Variants in LIPT2 observed in about 807,000 individuals in gnomAD.
The protein encoded by LIPT2 is lipoyl(octanoyl) transferase 2, also known as octanoyl-[acyl-carrier-protein]:protein N-octanoyltransferase LIPT2, mitochondrial.
A neutral mutation model predicts 16.2 loss-of-function variants in LIPT2; 16 were observed. The ratio of observed to expected loss-of-function variants is 0.99; its 90% CI spans 0.67 to 1.50. LIPT2 has a LOEUF of 1.50. LIPT2 is among the 40% of genes most tolerant of loss of function. The pLI, the probability that LIPT2 is intolerant of heterozygous loss-of-function variation, is 0.00. For synonymous variants in LIPT2, 199 were observed against 169.3 expected (o/e 1.18, Z -1.36); for missense variants, 424 against 347.7 (o/e 1.22, Z -1.75).
Position 74,493,631 on chromosome 11 carries a change from G to T in LIPT2, c.73C>A (p.Arg25Ser), listed in dbSNP as rs1211954083. The change falls in exon 1 of 2, where the codon CGC becomes AGC. Residue 25 changes from arginine (R) to serine (S), a missense_variant. Arg to Ser is a moderately radical substitution (Grantham distance 110, BLOSUM62 -1). Transcript: ENST00000310109. ...PYAELLGLQD[R>S]WLRRLQAEPG... ...TCGGCCTGCAGCCGCCGCAGCCAGC[G>T]GTCCTGCAGCCCCAGTAGCTCGGCG... The T allele has an allele frequency of 1.4e-5, 20 of 1,455,958 alleles. No homozygotes were observed. Among genetic ancestry groups the T allele is most frequent in the Non-Finnish European group, 1.8e-5 (20 of 1,110,338 alleles). The allele number at this position is 1,455,958 out of a possible 1,614,324, so 90.2% of individuals were successfully genotyped here.
rs1420424309 is a variant in LIPT2 at position 74,492,015 on chromosome 11, G to A, written c.*120C>T. 1 of 691,036 alleles carries A rather than the reference G, an allele frequency of 1.4e-6. No individual in the cohort carries two copies. The highest frequency in any genetic ancestry group is 2.3e-5 in the Admixed American group (1 of 43,864). The allele number at this position is 691,036 out of a possible 1,614,324, so 42.8% of individuals were successfully genotyped here. ...AATAGTGGCTCAGAGCTCATGGTAT[G>A]TCCTTAGTTTCATGATCAGTGAATG... On this transcript the variant is annotated 3_prime_UTR_variant, in exon 2 of 2. Coordinates refer to ENST00000310109, the MANE Select transcript of LIPT2 (RefSeq NM_001144869.3).
At chr11:74,492,921 A>G (rs1250564464) in intron 1 of LIPT2, among the ~76,000 whole-genome samples, 2 of 151,644 alleles carry the variant, frequency 1.3e-5, no homozygotes, top group Non-Finnish European at 2.9e-5. Context: ...AAAAAAAAAA[A>G]AAGTTTGAAA....
In LIPT2 at chr11:74,493,503, G is replaced by C; in HGVS notation, c.201C>G (p.Pro67=). The C allele has an allele frequency of 7.0e-7, 1 of 1,434,192 alleles. No homozygotes were observed. The highest frequency in any genetic ancestry group is 9.1e-7 in the Non-Finnish European group (1 of 1,099,898). The allele number at this position is 1,434,192 out of a possible 1,614,324, so 88.8% of individuals were successfully genotyped here. ...AGGCCCGTAGCCGCGCAGTTTCCTC[G>C]GGCGTCAGGCCGCCGCGCAGCCCGG... ...YTAGLRGGLT[P]EETARLRALG... Residue 67 remains proline (P), a synonymous_variant, in exon 1 of 2, where the codon CCC becomes CCG. Coordinates refer to ENST00000310109, the MANE Select transcript of LIPT2 (RefSeq NM_001144869.3).
At position 74,493,508 on chromosome 11, in the gene LIPT2, T is replaced by TCAGGCCGCCGCGCAGCCCGGCCGTATACA; in HGVS notation, c.167_195dup (p.Thr66CysfsTer10). ...CGTAGCCGCGCAGTTTCCTCGGGCG[T>TCAGGCCGCCGCGCAGCCCGGCCGTATACA]CAGGCCGCCGCGCAGCCCGGCCGTA... On this transcript the variant is annotated frameshift_variant, in exon 1 of 2. Transcript: ENST00000310109. LOFTEE classifies it high-confidence loss of function. 7.0e-7 allele frequency: 1 copy of TCAGGCCGCCGCGCAGCCCGGCCGTATACA among 1,427,854 alleles called. No individual in the cohort carries two copies. The highest frequency in any genetic ancestry group is 9.1e-7 in the Non-Finnish European group (1 of 1,096,858). The allele number at this position is 1,427,854 out of a possible 1,614,324, so 88.4% of individuals were successfully genotyped here.
In LIPT2 at chr11:74,491,437, C is replaced by T. The variant is rs1001717042; in HGVS notation, c.*698G>A. On this transcript the variant is annotated 3_prime_UTR_variant, in exon 2 of 2. Transcript: ENST00000310109. ...ATTTGTTACACAGCAACAGATAATA[C>T]GCAGCCTTACAAATTTAGAGGTCTC... Among the ~76,000 whole-genome samples, 3 of 152,302 alleles carry T rather than the reference C, an allele frequency of 2.0e-5. No homozygotes were observed. Among genetic ancestry groups the T allele is most frequent in the East Asian group, 3.9e-4 (2 of 5,194 alleles).
At chr11:74,492,426 C>T in intron 1 of LIPT2, 62 bp from the exon 2 acceptor site, 4 of 1,107,008 alleles carry the variant, frequency 3.6e-6, no homozygotes, top group Non-Finnish European at 5.3e-6. Flanking sequence ...TTTGGTGTCC[C>T]TCTCAGGGCG....
At position 74,493,233 on chromosome 11, in the gene LIPT2, C is replaced by T. The variant is rs1864386631; in HGVS notation, c.466+5G>A. 1.5e-6 allele frequency: 2 copies of T among 1,347,400 alleles called. No individual in the cohort carries two copies. 83.5% of individuals were successfully genotyped at this position (1,347,400 alleles called of 1,614,324 possible). ...TCAGGTACCGCCCTGCTCCGCGGCG[C>T]TCACCGATCGCGCAGATCTTGCGAT... is the stretch of plus-strand genomic sequence containing the variant. On this transcript the variant is annotated splice_donor_5th_base_variant and intron_variant, in intron 1 of 1. Transcript: ENST00000310109.
In LIPT2 at chr11:74,493,445, C is replaced by T. The variant is rs771586735; in HGVS notation, c.259G>A (p.Gly87Ser). ...CCCGGGCCGTGGAAGGTGGCCAGGC[C>T]ACCGCGGCCTGTGACGCGCACCTCG... ...GAEVRVTGRG[G>S]LATFHGPGQL... The change falls in exon 1 of 2, where the codon GGC (glycine) becomes AGC (serine). Residue 87 changes from glycine (G) to serine (S), a missense_variant. Transcript: ENST00000310109. The T allele has an allele frequency of 2.7e-6, 4 of 1,497,014 alleles. No homozygotes were observed. The South Asian group carries it at 5.0e-5, about 19-fold the overall frequency. 92.7% of individuals were successfully genotyped at this position (1,497,014 alleles called of 1,614,324 possible).
Position 74,492,311 on chromosome 11 carries a change from T to C in LIPT2, c.520A>G (p.Thr174Ala), listed in dbSNP as rs1457013654. The C allele has an allele frequency of 3.9e-6, 6 of 1,551,726 alleles. No individual in the cohort carries two copies. The East Asian group carries it at 9.8e-5, about 25-fold the overall frequency. ...TSHGLALNCS[T>A]DLTWFEHIVP... The stretch of plus-strand genomic sequence containing the variant: ...ATGTGCTCAAACCACGTGAGGTCGG[T>C]AGAGCAGTTGAGAGCCAGGCCGTGG... Residue 174 changes from threonine (T) to alanine (A), a missense_variant, in exon 2 of 2, where the codon ACC becomes GCC. Thr to Ala is a moderately conservative substitution (Grantham distance 58). Transcript: ENST00000310109.
Position 74,492,212 on chromosome 11 carries a change from C to A in LIPT2, c.619G>T (p.Glu207Ter). The change falls in exon 2 of 2, where the codon GAA becomes TAA. Residue 207 changes from glutamate (E) to a stop codon, truncating the protein, a stop_gained. Coordinates refer to ENST00000310109, the MANE Select transcript of LIPT2 (RefSeq NM_001144869.3). LOFTEE classifies it high-confidence loss of function. ...KELQRHVTVE[E>*]VMPPFLVAFK... is the part of the protein sequence containing the mutation. The stretch of plus-strand genomic sequence containing the variant: ...GCCACAAGGAAAGGTGGCATTACTT[C>A]TTCCACGGTGACGTGCCTCTGGAGC... 1 of 1,551,728 alleles carries A rather than the reference C, an allele frequency of 6.4e-7. No individual in the cohort carries two copies. Among genetic ancestry groups the A allele is most frequent in the Admixed American group, 2.0e-5 (1 of 51,000 alleles).
chr11:74,492,605 TAA>T (rs374492084), intron 1 of LIPT2, among the ~76,000 whole-genome samples: 2 of 142,186 alleles, frequency 1.4e-5, no homozygotes, highest in Admixed American at 7.0e-5. Context: ...TTCCAATACT[TAA>T]AAAAAAAAAA....
Position 74,491,198 on chromosome 11 carries a change from C to G in LIPT2, c.*937G>C, listed in dbSNP as rs1420843986. On this transcript the variant is annotated 3_prime_UTR_variant, in exon 2 of 2. Coordinates refer to ENST00000310109, the MANE Select transcript of LIPT2 (RefSeq NM_001144869.3). Reference sequence around the variant, plus strand: ...ACGGTAAGGAACTGAGGCCTCTTGTCAGCAACCATAACCAACCACGCAAGT... The same window carrying G: ...ACGGTAAGGAACTGAGGCCTCTTGTGAGCAACCATAACCAACCACGCAAGT... Among the ~76,000 whole-genome samples, 1 of 152,230 alleles carries G rather than the reference C, an allele frequency of 6.6e-6. No individual in the cohort carries two copies.
In LIPT2 at chr11:74,490,961, T is replaced by C. The variant is rs1864323779; in HGVS notation, c.*1174A>G. On this transcript the variant is annotated 3_prime_UTR_variant, in exon 2 of 2. Transcript: ENST00000310109. ...GGCCATTCTTCAAGATGGCCCCTAA[T>C]AATCCTCACCTTCTGTTGCCCTAGT... 6.6e-6 allele frequency among the ~76,000 whole-genome samples: 1 copy of C among 152,230 alleles called. No homozygotes were observed. Among genetic ancestry groups the C allele is most frequent in the Admixed American group, 6.5e-5 (1 of 15,282 alleles).
At position 74,493,698 on chromosome 11, in the gene LIPT2, C is replaced by T; in HGVS notation, c.6G>A (p.Arg2=). Residue 2 remains arginine (R), a synonymous_variant, in exon 1 of 2, where the codon CGG becomes CGA. Coordinates refer to ENST00000310109, the MANE Select transcript of LIPT2 (RefSeq NM_001144869.3). Reference sequence around the variant, plus strand: ...GGCGCACCAACCGAACGGCGGGTTGCCGCATCGTGCCCACCGTTGCGTCCG... The same window carrying T: ...GGCGCACCAACCGAACGGCGGGTTGTCGCATCGTGCCCACCGTTGCGTCCG... M[R]QPAVRLVRLG... is the part of the protein sequence containing the mutation. 1 of 1,377,452 alleles carries T rather than the reference C, an allele frequency of 7.3e-7. No individual in the cohort carries two copies. Among genetic ancestry groups the T allele is most frequent in the Non-Finnish European group, 9.3e-7 (1 of 1,071,418 alleles). The allele number at this position is 1,377,452 out of a possible 1,614,324, so 85.3% of individuals were successfully genotyped here.
At position 74,492,191 on chromosome 11, in the gene LIPT2, CA is replaced by C. The variant is rs1209351375; in HGVS notation, c.639del (p.Val214TrpfsTer11). 1 of 1,551,018 alleles carries C rather than the reference CA, an allele frequency of 6.4e-7. No homozygotes were observed. Among genetic ancestry groups the C allele is most frequent in the African/African-American group, 1.4e-5 (1 of 72,806 alleles). On this transcript the variant is annotated frameshift_variant, in exon 2 of 2. Coordinates refer to ENST00000310109, the MANE Select transcript of LIPT2 (RefSeq NM_001144869.3). LOFTEE classifies it high-confidence loss of function. ...VTVEEVMPPF[L>X]VAFKEIYKCT... ...CACTTGTAGATCTCCTTAAAGGCCA[CA>C]AGGAAAGGTGGCATTACTTCTTCCA...
rs1864388996 is a variant in LIPT2 at position 74,493,280 on chromosome 11, A to G, written c.424T>C (p.Tyr142His). The G allele has an allele frequency of 1.4e-6, 2 of 1,410,354 alleles. No individual in the cohort carries two copies. The highest frequency in any genetic ancestry group is 1.8e-6 in the Non-Finnish European group (2 of 1,083,950). The allele number at this position is 1,410,354 out of a possible 1,614,324, so 87.4% of individuals were successfully genotyped here. The change falls in exon 1 of 2, where the codon TAC becomes CAC. Residue 142 changes from tyrosine to histidine, a missense_variant. Transcript: ENST00000310109. The stretch of plus-strand genomic sequence containing the variant: ...CGATCGTCTAGCCAGACGCCAGTGT[A>G]GGGCGGGGGCCGCGCGCGGGCGTCC... Reference protein sequence around the residue: ...LQDARARPPPYTGVWLDDRKI... With the variant: ...LQDARARPPPHTGVWLDDRKI...
At position 74,492,093 on chromosome 11, in the gene LIPT2, T is replaced by C; in HGVS notation, c.*42A>G. On this transcript the variant is annotated 3_prime_UTR_variant, in exon 2 of 2. Transcript: ENST00000310109. ...AGTAGGTGACTCAAGTCAGACTTCATGCTTCCCAAGGCAGGAGCATCCTGG... is the reference window on the plus strand; with the variant it reads ...AGTAGGTGACTCAAGTCAGACTTCACGCTTCCCAAGGCAGGAGCATCCTGG... 1 of 1,488,220 alleles carries C rather than the reference T, an allele frequency of 6.7e-7. No homozygotes were observed. Among genetic ancestry groups the C allele is most frequent in the Non-Finnish European group, 9.2e-7 (1 of 1,090,118 alleles). 92.2% of individuals were successfully genotyped at this position (1,488,220 alleles called of 1,614,324 possible).
intron 1 of LIPT2, 153 bp downstream of exon 1, chr11:74,493,085 C>A: frequency 2.1e-6 from 1 of 469,394 alleles, no homozygotes; most frequent in Non-Finnish European, 3.6e-6. Flanking sequence ...GGCTTAAAAA[C>A]TCAAACGCAG....
Position 74,492,068 on chromosome 11 carries a change from A to G in LIPT2, c.*67T>C, listed in dbSNP as rs1864347735. 7.9e-7 allele frequency: 1 copy of G among 1,272,278 alleles called. No individual in the cohort carries two copies. Among genetic ancestry groups the G allele is most frequent in the African/African-American group, 1.5e-5 (1 of 67,604 alleles). 78.8% of individuals were successfully genotyped at this position (1,272,278 alleles called of 1,614,324 possible). A position where few individuals can be genotyped will look rare whatever the true frequency, so the allele number is the denominator to read the frequency against. ...AGGCCAGGTCTAAAATCTGGGTTTC[A>G]GTAGGTGACTCAAGTCAGACTTCAT... On this transcript the variant is annotated 3_prime_UTR_variant, in exon 2 of 2. Coordinates refer to ENST00000310109, the MANE Select transcript of LIPT2 (RefSeq NM_001144869.3).
Sources: allele counts gnomAD v4.1 joint callset (sites outside exome capture counted in the v4.1 genomes callset), GRCh38; gene constraint gnomAD v4.1.1; transcripts MANE v1.5; gene names NCBI Gene and HGNC (gene_info 2026-07-23, HGNC 2026-07-21).